Variants in USP32 observed in about 807,000 individuals in gnomAD.
The protein encoded by USP32 is ubiquitin carboxyl-terminal hydrolase 32.
In USP32, 59 loss-of-function variants were observed where a neutral mutation model predicts 204.8. The observed-to-expected ratio is 0.29, with a 90% confidence interval of 0.23 to 0.36. The LOEUF (loss-of-function observed/expected upper bound fraction) is 0.36, where lower values mean the gene tolerates loss of function less well. USP32 is among the 10% of genes least tolerant of loss of function. The pLI is 1.00. For synonymous variants in USP32, 517 were observed against 678.4 expected (o/e 0.76, Z 3.70); for missense variants, 1,160 against 1,946.4 (o/e 0.60, Z 7.60).
chr17:60,198,472 G>A (rs375369597), intron 26 of USP32, 28 bp from the exon 27 acceptor site: 30 of 1,607,360 alleles, frequency 1.9e-5, no homozygotes, highest in East Asian at 2.2e-5. Context: ...AGAATAGAGA[G>A]TTCAGAAGAC....
chr17:60,337,268 G>A (rs947433343), intron 2 of USP32, among the ~76,000 whole-genome samples: 3 of 152,140 alleles, frequency 2.0e-5, no homozygotes, highest in African/African-American at 7.2e-5. Flanking sequence ...CTAATCAGCT[G>A]TTTGTTTTCA....
intron 29 of USP32, among the ~76,000 whole-genome samples, chr17:60,189,886 C>T (rs1221510153): frequency 6.6e-6 from 1 of 152,144 alleles, no homozygotes; most frequent in African/African-American, 2.4e-5. Context: ...CATGGCCAGA[C>T]ACAGTTTTGT....
intron 2 of USP32, among the ~76,000 whole-genome samples, chr17:60,338,192 G>T (rs1212689348): frequency 1.3e-5 from 2 of 151,866 alleles, no homozygotes; most frequent in Non-Finnish European, 2.9e-5. Context: ...GGGCATGGTG[G>T]TACATGCCTA....
chr17:60,289,055 T>G (rs1021676924), intron 4 of USP32, among the ~76,000 whole-genome samples: 1 of 152,244 alleles, frequency 6.6e-6, no homozygotes, highest in Non-Finnish European at 1.5e-5. Flanking sequence ...TCGCCCAGGC[T>G]GGAGTGCAGT....
At chr17:60,303,787 T>C (rs1042827557) in intron 2 of USP32, among the ~76,000 whole-genome samples, 2 of 152,014 alleles carry the variant, frequency 1.3e-5, no homozygotes, top group African/African-American at 4.8e-5. Flanking sequence ...CTAATGGAGT[T>C]TGAAGAATGC....
Position 60,299,982 on chromosome 17 carries a change from C to T in USP32, c.292+1617G>A, listed in dbSNP as rs182609373. Among the ~76,000 whole-genome samples, 141 of 152,250 alleles carry T rather than the reference C, an allele frequency of 9.3e-4. 1 individual carries two copies. Among genetic ancestry groups the T allele is most frequent in the Non-Finnish European group, 9.3e-4 (63 of 68,024 alleles). ...TCATAAGATACTTATGATTAACCCT[C>T]ATGACCTAATCACCTCCCACAGGCC... On this transcript the variant is annotated intron_variant, in intron 3 of 33. Transcript: ENST00000300896.
chr17:60,334,416 T>C (rs2088464838), intron 2 of USP32, among the ~76,000 whole-genome samples: 1 of 152,204 alleles, frequency 6.6e-6, no homozygotes, highest in Non-Finnish European at 1.5e-5. Flanking sequence ...TTTTTGATGT[T>C]TCTAAGCCAT....
chr17:60,285,831 TAGAA>T (rs1421733493), intron 5 of USP32, among the ~76,000 whole-genome samples: 2 of 152,002 alleles, frequency 1.3e-5, no homozygotes, highest in Non-Finnish European at 2.9e-5. Context: ...ATTTTAGTGA[TAGAA>T]AGAAGCATAA....
chr17:60,242,661 C>T (rs1452482510), intron 11 of USP32, among the ~76,000 whole-genome samples: 3 of 152,184 alleles, frequency 2.0e-5, no homozygotes, highest in African/African-American at 4.8e-5. Flanking sequence ...ACCACCTCTG[C>T]CTCCTAAAGT....
intron 1 of USP32, among the ~76,000 whole-genome samples, chr17:60,387,004 C>T (rs781462418): frequency 3.9e-5 from 6 of 152,196 alleles, no homozygotes; most frequent in East Asian, 1.9e-4. Flanking sequence ...AAGGCTTAAC[C>T]GAAACCAACA....
chr17:60,187,203 G>A (rs186555989), intron 29 of USP32, among the ~76,000 whole-genome samples: 28 of 152,288 alleles, frequency 1.8e-4, no homozygotes, highest in Non-Finnish European at 4.4e-5. Flanking sequence ...CTATATGAGA[G>A]TCACGAGGCT....
At chr17:60,280,902 A>G (rs903080371) in intron 5 of USP32, among the ~76,000 whole-genome samples, 1 of 152,246 alleles carries the variant, frequency 6.6e-6, no homozygotes, top group Non-Finnish European at 1.5e-5. Context: ...AATTTCTCTA[A>G]GAAACTTAGC....
chr17:60,269,482 C>G lies in USP32; in HGVS notation c.779G>C (p.Cys260Ser), dbSNP rs895561574. 1 of 1,610,176 alleles carries G rather than the reference C, an allele frequency of 6.2e-7. No homozygotes were observed. The highest frequency in any genetic ancestry group is 8.5e-7 in the Non-Finnish European group (1 of 1,178,870). ...FKEISCGLSACCRGPLAERQK... is the reference protein window; with the variant it reads ...FKEISCGLSASCRGPLAERQK... ...TCTTTCAGCCAGGGGTCCCCTGCAA[C>G]AGGCTGATAACCCACAGGATATCTC... The change falls in exon 7 of 34, where the codon TGT becomes TCT. Residue 260 changes from cysteine to serine, a missense_variant. Physicochemically the swap from Cys to Ser is moderately radical, Grantham distance 112. Coordinates refer to ENST00000300896, the MANE Select transcript of USP32 (RefSeq NM_032582.4).
chr17:60,412,702 G>T (rs1367430947), intron 1 of USP32, among the ~76,000 whole-genome samples: 3 of 152,118 alleles, frequency 2.0e-5, no homozygotes, highest in Non-Finnish European at 4.4e-5. Flanking sequence ...TGCCCTGGAA[G>T]AAAGGTGGTG....
intron 2 of USP32, among the ~76,000 whole-genome samples, chr17:60,328,022 G>A (rs1300892224): frequency 6.6e-6 from 1 of 152,254 alleles, no homozygotes; most frequent in East Asian, 1.9e-4. Flanking sequence ...AGCCATGGAT[G>A]GCGGCAGGCA....
chr17:60,395,022 G>T (rs112376238), upstream of USP32, among the ~76,000 whole-genome samples: 1,586 of 152,240 alleles, frequency 0.01, 38 homozygotes, highest in African/African-American at 0.037. Context: ...GGGATTAGAG[G>T]CACGAGCCAC....
In USP32 at chr17:60,326,608, T is replaced by C. The variant is rs116493380; in HGVS notation, c.186+18873A>G. On this transcript the variant is annotated intron_variant, in intron 2 of 33. Coordinates refer to ENST00000300896, the MANE Select transcript of USP32 (RefSeq NM_032582.4). ...GCCACTGTGCCCGGCCATGGTTTAT[T>C]TTCTCATTCTACTGGGACTTAATAC... 8.2e-3 allele frequency among the ~76,000 whole-genome samples: 1,245 copies of C among 152,326 alleles called. 14 individuals are homozygous for C. Among genetic ancestry groups the C allele is most frequent in the African/African-American group, 0.028 (1,149 of 41,566 alleles).
chr17:60,336,049 G>C (rs1487265293), intron 2 of USP32, among the ~76,000 whole-genome samples: 4 of 142,906 alleles, frequency 2.8e-5, no homozygotes, highest in Non-Finnish European at 3.0e-5. Context: ...CCAAGAATTT[G>C]AAATAAGTAA....
upstream of USP32, chr17:60,392,478 C>G (rs1598313900): frequency 4.2e-6 from 1 of 236,262 alleles, no homozygotes; most frequent in South Asian, 3.3e-5. Flanking sequence ...CGCTTGAGGA[C>G]GACCCCCCCC....
Sources: allele counts gnomAD v4.1 joint callset (sites outside exome capture counted in the v4.1 genomes callset), GRCh38; gene constraint gnomAD v4.1.1; transcripts MANE v1.5; gene names NCBI Gene and HGNC (gene_info 2026-07-23, HGNC 2026-07-21).